Variants in PRCC observed in about 807,000 individuals in gnomAD.
PRCC encodes the protein proline-rich protein PRCC.
In PRCC, 10 loss-of-function variants were observed where a neutral mutation model predicts 44.0. The ratio of observed to expected loss-of-function variants is 0.23; its 90% CI spans 0.14 to 0.39. The LOEUF (loss-of-function observed/expected upper bound fraction) is 0.39. Ranked by LOEUF, PRCC falls within the 10% of genes least tolerant of loss-of-function variation. PRCC has a pLI of 1.00. For missense variants in PRCC, 573 were observed against 624.7 expected (o/e 0.92, Z 0.88); for synonymous variants, 278 against 259.5 (o/e 1.07, Z -0.69).
At position 156,782,278 on chromosome 1, in the gene PRCC, T is replaced by A. The variant is rs765889442; in HGVS notation, c.469-4T>A. 6.2e-7 allele frequency: 1 copy of A among 1,603,146 alleles called. No individual in the cohort carries two copies. The highest frequency in any genetic ancestry group is 1.1e-5 in the South Asian group (1 of 90,526). On this transcript the variant is annotated splice_polypyrimidine_tract_variant and splice_region_variant and intron_variant, in intron 1 of 6. Coordinates refer to ENST00000271526, the MANE Select transcript of PRCC (RefSeq NM_005973.5). ...AGGCCTTACTTCATTTCTTTTTCTC[T>A]TAGTCAGATTCTGAGGAAGATGAAC...
chr1:156,774,612 C>T (rs1413224050), intron 1 of PRCC, among the ~76,000 whole-genome samples: 2 of 152,008 alleles, frequency 1.3e-5, no homozygotes, highest in Non-Finnish European at 2.9e-5. Flanking sequence ...TCAGTCTCCG[C>T]AGTAGCTGGG....
chr1:156,785,403 A>G lies in PRCC; in HGVS notation c.517-1205A>G, dbSNP rs905709696. Among the ~76,000 whole-genome samples, 75 of 151,712 alleles carry G rather than the reference A, an allele frequency of 4.9e-4. 1 individual carries two copies. Among genetic ancestry groups the G allele is most frequent in the African/African-American group, 1.8e-3 (73 of 41,262 alleles). ...GTGGTGAGCACCTATAATCCCAGCT[A>G]CTCGGGAGGCTGAGGCAGAGAATTG... is the stretch of plus-strand genomic sequence containing the variant. On this transcript the variant is annotated intron_variant, in intron 2 of 6. Transcript: ENST00000271526.
At chr1:156,785,601 A>G (rs916929139) in intron 2 of PRCC, among the ~76,000 whole-genome samples, 4 of 151,070 alleles carry the variant, frequency 2.6e-5, no homozygotes, top group African/African-American at 4.9e-5. Flanking sequence ...GGGGGGAAAA[A>G]AAAGAGAAAG....
chr1:156,785,596 G>A (rs572062143), intron 2 of PRCC, among the ~76,000 whole-genome samples: 4 of 150,770 alleles, frequency 2.7e-5, no homozygotes, highest in African/African-American at 9.8e-5. Context: ...CTAAGGGGGG[G>A]AAAAAAAAGA....
intron 2 of PRCC, among the ~76,000 whole-genome samples, chr1:156,783,764 C>T (rs1038298063): frequency 6.6e-6 from 1 of 151,302 alleles, no homozygotes; most frequent in Non-Finnish European, 1.5e-5. Context: ...TAAAAAAATA[C>T]ATAAAAATAA....
Position 156,797,336 on chromosome 1 carries a change from CA to C in PRCC, c.1385del (p.His462LeufsTer10). 1 of 1,614,162 alleles carries C rather than the reference CA, an allele frequency of 6.2e-7. No homozygotes were observed. The highest frequency in any genetic ancestry group is 8.5e-7 in the Non-Finnish European group (1 of 1,180,010). On this transcript the variant is annotated frameshift_variant, in exon 6 of 7. Transcript: ENST00000271526. LOFTEE classifies it high-confidence loss of function. ...RRKHQITYLIHQAKERELELK... is the reference protein window; with the variant it reads ...RRKHQITYLIXQAKERELELK... ...GAAACACCAGATCACATATCTTATTCATCAGGTGAGAGACAGCTGAGGGCTC... is the reference window on the plus strand; with the variant it reads ...GAAACACCAGATCACATATCTTATTCTCAGGTGAGAGACAGCTGAGGGCTC...
intron 4 of PRCC, among the ~76,000 whole-genome samples, chr1:156,793,147 C>T (rs576939254): frequency 1.3e-5 from 2 of 152,300 alleles, no homozygotes; most frequent in African/African-American, 4.8e-5. Context: ...GTGTCCATCC[C>T]TTTGCATACT....
intron 5 of PRCC, chr1:156,796,073 A>G (rs977949199): frequency 2.6e-5 from 4 of 152,262 alleles, no homozygotes; most frequent in South Asian, 2.1e-4. Context: ...TTAGATCAGC[A>G]TAGATCCATC....
chr1:156,776,465 GA>G (rs755816511), intron 1 of PRCC, among the ~76,000 whole-genome samples: 76 of 95,602 alleles, frequency 7.9e-4, no homozygotes, highest in East Asian at 5.4e-3. Flanking sequence ...AGTCTTTATA[GA>G]GGTTTTTTTT....
rs56916626 is a variant in PRCC, at chr1:156,787,650, CTTTTTT to C, written c.1083+487_1083+492del. Among the ~76,000 whole-genome samples the C allele has an allele frequency of 2.0e-4, 11 of 54,172 alleles. 1 individual carries two copies. The Admixed American group carries it at 2.8e-3, about 14-fold the overall frequency. 35.5% of individuals were successfully genotyped at this position (54,172 alleles called of 152,430 possible). On this transcript the variant is annotated intron_variant, in intron 3 of 6. Coordinates refer to ENST00000271526, the MANE Select transcript of PRCC (RefSeq NM_005973.5). ...AGTACCTGATAGGTAGGTTTTTGGC[CTTTTTT>C]TTTTTTTTTTGGAGAAGGAATCTCA...
At chr1:156,785,443 G>A (rs1652204081) in intron 2 of PRCC, among the ~76,000 whole-genome samples, 1 of 151,842 alleles carries the variant, frequency 6.6e-6, no homozygotes. Flanking sequence ...AACCTGGGAG[G>A]CGGAGGTTGC....
intron 6 of PRCC, among the ~76,000 whole-genome samples, chr1:156,800,081 T>A (rs1345211897): frequency 6.6e-6 from 1 of 152,184 alleles, no homozygotes; most frequent in African/African-American, 2.4e-5. Flanking sequence ...ATTCTAGTTT[T>A]CATTTGCCCA....
intron 1 of PRCC, among the ~76,000 whole-genome samples, chr1:156,772,807 CTG>C (rs1651679823): frequency 6.6e-6 from 1 of 152,326 alleles, no homozygotes; most frequent in African/African-American, 2.4e-5. Context: ...GTGTGCTTAT[CTG>C]TGTGGGGCAC....
Position 156,786,979 on chromosome 1 carries a change from C to T in PRCC, c.888C>T (p.Pro296=). ...TTGAGCCATACCCTTACCCCATCCC[C>T]ACTGTCCCTGAAGAGCTGCCTCCAG... is the stretch of plus-strand genomic sequence containing the variant. The part of the protein sequence containing the change: ...PGVEPYPYPI[P]TVPEELPPGT... Residue 296 remains proline, a synonymous_variant, in exon 3 of 7, where the codon CCC becomes CCT. Transcript: ENST00000271526. 1.2e-6 allele frequency: 2 copies of T among 1,614,244 alleles called. No homozygotes were observed.
chr1:156,783,066 G>A (rs1260092213), intron 2 of PRCC, among the ~76,000 whole-genome samples: 2 of 152,044 alleles, frequency 1.3e-5, no homozygotes, highest in African/African-American at 2.4e-5. Flanking sequence ...CACCACACCC[G>A]GCTAATTTTG....
intron 1 of PRCC, among the ~76,000 whole-genome samples, chr1:156,770,826 GTAGAAGTAAT>G (rs1395812321): frequency 3.3e-5 from 5 of 152,224 alleles, no homozygotes; most frequent in African/African-American, 1.2e-4. Flanking sequence ...TGGTGCTGAA[GTAGAAGTAAT>G]TAGAAGTAAT....
At position 156,768,014 on chromosome 1, in the gene PRCC, C is replaced by G; in HGVS notation, c.243C>G (p.Pro81=). Residue 81 remains proline, a synonymous_variant, in exon 1 of 7, where the codon CCC becomes CCG. Transcript: ENST00000271526. The part of the protein sequence containing the change: ...PTGDPRLQPP[P]PLPFGLGGFP... ...GAGACCCCAGGCTTCAGCCTCCTCC[C>G]CCCTTGCCCTTCGGCCTGGGAGGCT... 2 of 1,569,822 alleles carry G rather than the reference C, an allele frequency of 1.3e-6. No individual in the cohort carries two copies.
chr1:156,782,159 G>A, intron 1 of PRCC, 123 bp from the exon 2 acceptor site: 1 of 815,960 alleles, frequency 1.2e-6, no homozygotes, highest in Non-Finnish European at 2.0e-6. Flanking sequence ...GTGTACCTCT[G>A]TACAGAGGTG....
rs569304629 is a variant in PRCC, at chr1:156,769,344, C to T, written c.468+1105C>T. 3.3e-5 allele frequency among the ~76,000 whole-genome samples: 5 copies of T among 152,262 alleles called. No homozygotes were observed. The South Asian group carries it at 8.3e-4, about 25-fold the overall frequency. On this transcript the variant is annotated intron_variant, in intron 1 of 6. Transcript: ENST00000271526. ...CTATCACCTCCTCCTCCCCATTGCTCTTTGTTTTATTTTTCTCCATTGCAC... is the reference window on the plus strand; with the variant it reads ...CTATCACCTCCTCCTCCCCATTGCTTTTTGTTTTATTTTTCTCCATTGCAC...
Sources: allele counts gnomAD v4.1 joint callset (sites outside exome capture counted in the v4.1 genomes callset), GRCh38; gene constraint gnomAD v4.1.1; transcripts MANE v1.5; gene names NCBI Gene and HGNC (gene_info 2026-07-23, HGNC 2026-07-21).